KCTD1: variants seen among roughly 807,000 people sequenced by gnomAD.
KCTD1 encodes BTB/POZ domain-containing protein KCTD1.
In KCTD1, 24 loss-of-function variants were observed where a neutral mutation model predicts 66.0. That is an observed-to-expected ratio of 0.36 (90% CI 0.26 to 0.51). The LOEUF is 0.51. Ranked by LOEUF, KCTD1 falls within the 20% of genes least tolerant of loss-of-function variation. KCTD1 has a pLI of 0.95. For synonymous variants in KCTD1, 511 were observed against 517.2 expected (o/e 0.99, Z 0.16); for missense variants, 943 against 1,205.2 (o/e 0.78, Z 3.22).
intron 1 of KCTD1, among the ~76,000 whole-genome samples, chr18:26,576,786 T>C (rs534311385): frequency 5.0e-4 from 76 of 152,356 alleles, no homozygotes; most frequent in African/African-American, 1.8e-3. Flanking sequence ...TTTGTATATA[T>C]AGGCTCAGAA....
intron 1 of KCTD1, among the ~76,000 whole-genome samples, chr18:26,564,766 G>A (rs182282715): frequency 5.3e-5 from 8 of 152,176 alleles, no homozygotes; most frequent in African/African-American, 1.9e-4. Context: ...ATGCACGCCT[G>A]TAATTCCAGC....
upstream of KCTD1, among the ~76,000 whole-genome samples, chr18:26,552,649 T>C (rs1480137238): frequency 1.3e-5 from 2 of 152,222 alleles, no homozygotes; most frequent in African/African-American, 4.8e-5. Flanking sequence ...TGGAACATGC[T>C]TTAGAAACTT....
At chr18:26,474,892 G>T (rs1981260683) in intron 3 of KCTD1, among the ~76,000 whole-genome samples, 4 of 151,500 alleles carry the variant, frequency 2.6e-5, no homozygotes, top group Admixed American at 2.6e-4. Flanking sequence ...CCTCGTTTTT[G>T]TATTTATTTC....
At chr18:26,508,534 T>C (rs1200721018) in intron 1 of KCTD1, among the ~76,000 whole-genome samples, 1 of 152,228 alleles carries the variant, frequency 6.6e-6, no homozygotes, top group African/African-American at 2.4e-5. Flanking sequence ...TTGACCATAT[T>C]ACCTCTTTCA....
upstream of KCTD1, among the ~76,000 whole-genome samples, chr18:26,630,734 T>C (rs1053230298): frequency 1.3e-5 from 2 of 152,234 alleles, no homozygotes; most frequent in East Asian, 1.9e-4. Flanking sequence ...AAAGTACTTG[T>C]GTGGTTGAGT....
intron 1 of KCTD1, among the ~76,000 whole-genome samples, chr18:26,535,209 T>C (rs1023143575): frequency 6.6e-6 from 1 of 152,230 alleles, no homozygotes; most frequent in South Asian, 2.1e-4. Context: ...AGGCACTTTA[T>C]AGTCATTTTT....
At chr18:26,579,064 C>G (rs1479538298) in intron 1 of KCTD1, among the ~76,000 whole-genome samples, 2 of 151,854 alleles carry the variant, frequency 1.3e-5, no homozygotes, top group Non-Finnish European at 2.9e-5. Flanking sequence ...TTCAGTCCGC[C>G]AAATACTGGA....
chr18:26,643,916 A>C (rs538235602), upstream of KCTD1, among the ~76,000 whole-genome samples: 1 of 152,014 alleles, frequency 6.6e-6, no homozygotes, highest in East Asian at 1.9e-4. Flanking sequence ...GAGCTGAGAT[A>C]GCACCACTGC....
At position 26,547,952 on chromosome 18, in the gene KCTD1, G is replaced by A; in HGVS notation, c.585C>T (p.Asp195=). 1 of 1,542,676 alleles carries A rather than the reference G, an allele frequency of 6.5e-7. No homozygotes were observed. The highest frequency in any genetic ancestry group is 8.7e-7 in the Non-Finnish European group (1 of 1,146,618). The change falls in exon 1 of 5, where the codon GAC becomes GAT. Residue 195 remains aspartate, a synonymous_variant. Transcript: ENST00000580059. ...GCGCCCCCTTGTCCATGGTCTCGAA[G>A]TCCGGGCTCTGCGCCTTCTCGCTCA... is the stretch of plus-strand genomic sequence containing the variant. ...EYLSEKAQSP[D]FETMDKGALC...
intron 1 of KCTD1, among the ~76,000 whole-genome samples, chr18:26,513,189 G>A (rs1182965213): frequency 8.0e-5 from 12 of 150,140 alleles, no homozygotes; most frequent in South Asian, 2.1e-4. Flanking sequence ...CCGGGTTCAC[G>A]CCATTCTCCT....
At chr18:26,470,279 A>AG (rs1163614438) in intron 3 of KCTD1, among the ~76,000 whole-genome samples, 2 of 2,776 alleles carry the variant, frequency 7.2e-4, no homozygotes, top group Non-Finnish European at 4.7e-3. Flanking sequence ...AAATAAGCGA[A>AG]GAAAAAAAAA....
chr18:26,543,102 C>T (rs1281016209), intron 1 of KCTD1: 2 of 152,130 alleles, frequency 1.3e-5, no homozygotes, highest in Non-Finnish European at 2.9e-5. Flanking sequence ...AAACAGTAGG[C>T]GCTCAGTAAC....
chr18:26,530,284 C>T (rs1800446059), intron 1 of KCTD1, among the ~76,000 whole-genome samples: 1 of 152,052 alleles, frequency 6.6e-6, no homozygotes, highest in African/African-American at 2.4e-5. Flanking sequence ...TTCTGAACCT[C>T]TATAATACAG....
At chr18:26,477,495 CTG>C (rs1331093717) in intron 2 of KCTD1, among the ~76,000 whole-genome samples, 2 of 152,190 alleles carry the variant, frequency 1.3e-5, no homozygotes, top group Non-Finnish European at 2.9e-5. Context: ...CATATCTATA[CTG>C]TGAAAACATA....
intron 1 of KCTD1, among the ~76,000 whole-genome samples, chr18:26,622,788 A>T (rs1987415149): frequency 6.6e-6 from 1 of 152,082 alleles, no homozygotes; most frequent in Non-Finnish European, 1.5e-5. Context: ...AAGTGCATAC[A>T]GAGGCTCTGG....
chr18:26,538,020 G>A (rs1984790728), intron 1 of KCTD1, among the ~76,000 whole-genome samples: 1 of 152,028 alleles, frequency 6.6e-6, no homozygotes, highest in Non-Finnish European at 1.5e-5. Flanking sequence ...GCTGAGGCGG[G>A]TGGATCACCT....
intron 3 of KCTD1, chr18:26,461,023 G>A (rs564353274): frequency 4.3e-4 from 66 of 152,360 alleles, no homozygotes; most frequent in African/African-American, 1.5e-3. Context: ...AGAGCTGGCA[G>A]GGGATGCCCA....
chr18:26,529,113 C>A (rs1309981508), intron 1 of KCTD1, among the ~76,000 whole-genome samples: 1 of 152,184 alleles, frequency 6.6e-6, no homozygotes, highest in Non-Finnish European at 1.5e-5. Context: ...AGACCCATCA[C>A]AGCCTCTTGT....
Position 26,497,566 on chromosome 18 carries a change from T to C in KCTD1, c.1988+3506A>G, listed in dbSNP as rs971169865. On this transcript the variant is annotated intron_variant, in intron 2 of 4. Coordinates refer to ENST00000580059, the MANE Select transcript of KCTD1 (RefSeq NM_001142730.3). ...ACTAGTTCTTCTCTGTTTCTTTGAT[T>C]ACTAAAATTTGCGTATGGGTCCCAT... is the stretch of plus-strand genomic sequence containing the variant. 2.0e-4 allele frequency among the ~76,000 whole-genome samples: 31 copies of C among 152,348 alleles called. 1 individual carries two copies. Among genetic ancestry groups the C allele is most frequent in the Middle Eastern group, 3.4e-3 (1 of 294 alleles).
Sources: gnomAD v4.1 joint callset for allele counts (sites outside exome capture counted in the v4.1 genomes callset) on GRCh38, gnomAD v4.1.1 for gene constraint, MANE v1.5 for transcripts, NCBI Gene and HGNC (gene_info 2026-07-23, HGNC 2026-07-21) for gene names.